Variants in CREB5 observed in about 807,000 individuals in gnomAD.
CREB5 encodes the protein cAMP responsive element binding protein 5.
Under a neutral mutation model 57.1 loss-of-function variants are expected in CREB5, and 19 were observed. The observed-to-expected ratio is 0.33, with a 90% CI of 0.23 to 0.49. The LOEUF (loss-of-function observed/expected upper bound fraction) is 0.49, where lower values mean the gene tolerates loss of function less well. Among genes scored for constraint, CREB5 ranks in the 20% least tolerant of loss-of-function variants. The pLI is 0.99. For missense variants in CREB5, 579 were observed against 671.6 expected (o/e 0.86, Z 1.52); for synonymous variants, 238 against 238.3 (o/e 1.00, Z 0.01).
chr7:28,778,398 C>A (rs1806780841), intron 7 of CREB5, among the ~76,000 whole-genome samples: 1 of 152,176 alleles, frequency 6.6e-6, no homozygotes, highest in African/African-American at 2.4e-5. Context: ...GGAAGTTACT[C>A]CTACACACCT....
At position 28,632,858 on chromosome 7, in the gene CREB5, T is replaced by C. The variant is rs187258420; in HGVS notation, c.464+62321T>C. ...TGTGTTTTTAATTTTTTGTTTATCA[T>C]CTACCTCCTCCACTAAAATAGAAAC... On this transcript the variant is annotated intron_variant, in intron 5 of 10. Coordinates refer to ENST00000357727, the MANE Select transcript of CREB5 (RefSeq NM_182898.4). Among the ~76,000 whole-genome samples, 404 of 152,304 alleles carry C rather than the reference T, an allele frequency of 2.7e-3. 3 individuals carry two copies. The highest frequency in any genetic ancestry group is 9.0e-3 in the African/African-American group (374 of 41,560).
At chr7:28,643,763 G>A (rs1798780530) in intron 5 of CREB5, among the ~76,000 whole-genome samples, 1 of 66,144 alleles carries the variant, frequency 1.5e-5, no homozygotes, top group Non-Finnish European at 2.8e-5. Flanking sequence ...GGGGGGGGCG[G>A]AAGAAAAAAA....
intron 5 of CREB5, among the ~76,000 whole-genome samples, chr7:28,590,700 A>ATAATAATAT (rs1796476212): frequency 6.7e-6 from 1 of 150,180 alleles, no homozygotes. Context: ...AATAATAATA[A>ATAATAATAT]TAATAATAAA....
At chr7:28,720,067 A>G (rs1324907557) in intron 6 of CREB5, among the ~76,000 whole-genome samples, 1 of 152,196 alleles carries the variant, frequency 6.6e-6, no homozygotes, top group Non-Finnish European at 1.5e-5. Context: ...CTCAAAAAAC[A>G]AACACAAAAA....
At chr7:28,756,173 G>T (rs1369891347) in intron 7 of CREB5, among the ~76,000 whole-genome samples, 1 of 152,068 alleles carries the variant, frequency 6.6e-6, no homozygotes, top group East Asian at 1.9e-4. Context: ...GTGATGCTGT[G>T]GCCTATAAGA....
upstream of CREB5, among the ~76,000 whole-genome samples, chr7:28,408,099 G>A (rs1487790988): frequency 1.3e-5 from 2 of 152,152 alleles, no homozygotes; most frequent in African/African-American, 4.8e-5. Context: ...GCCCAGTTGG[G>A]ATCTGGGCTT....
At chr7:28,715,637 G>A (rs1321525902) in intron 5 of CREB5, among the ~76,000 whole-genome samples, 1 of 152,104 alleles carries the variant, frequency 6.6e-6, no homozygotes, top group Non-Finnish European at 1.5e-5. Flanking sequence ...GTGATGAGTA[G>A]GCACAGGTCA....
chr7:28,703,753 C>A (rs544794099), intron 5 of CREB5, among the ~76,000 whole-genome samples: 1 of 152,164 alleles, frequency 6.6e-6, no homozygotes, highest in African/African-American at 2.4e-5. Flanking sequence ...TGAAGCCCAC[C>A]CACATTGGGG....
chr7:28,453,809 G>A (rs1218361759), intron 1 of CREB5, among the ~76,000 whole-genome samples: 1 of 152,228 alleles, frequency 6.6e-6, no homozygotes, highest in Non-Finnish European at 1.5e-5. Flanking sequence ...GCCCCCAAGG[G>A]CATTGCGATG....
chr7:28,570,603 C>T, intron 5 of CREB5, 66 bp downstream of exon 5: 2 of 1,551,708 alleles, frequency 1.3e-6, no homozygotes, highest in Non-Finnish European at 1.8e-6. Context: ...TGGACTTCCT[C>T]CTGGTTTCTG....
chr7:28,657,717 GAA>G (rs59307921), intron 5 of CREB5, among the ~76,000 whole-genome samples: 772 of 54,002 alleles, frequency 0.014, 10 homozygotes, highest in African/African-American at 0.048. Context: ...ACTCTCTCTC[GAA>G]AAAAAAAAAA....
intron 1 of CREB5, among the ~76,000 whole-genome samples, chr7:28,479,294 C>T (rs1791224205): frequency 6.6e-6 from 1 of 152,260 alleles, no homozygotes; most frequent in South Asian, 2.1e-4. Context: ...GCAGAATATC[C>T]CATATCCCAG....
chr7:28,768,906 C>G lies in CREB5; in HGVS notation c.703-35293C>G, dbSNP rs180988705. On this transcript the variant is annotated intron_variant, in intron 7 of 10. Coordinates refer to ENST00000357727, the MANE Select transcript of CREB5 (RefSeq NM_182898.4). ...TGCATTTAGGATAGCTTTCCTTCAG[C>G]CTCAGCCTCTCCTCAGGCAGCCCCT... 5.3e-5 allele frequency among the ~76,000 whole-genome samples: 8 copies of G among 152,346 alleles called. No homozygotes were observed. The East Asian group carries it at 9.6e-4, about 18-fold the overall frequency.
At chr7:28,736,387 T>C (rs975303602) in intron 7 of CREB5, among the ~76,000 whole-genome samples, 2 of 152,136 alleles carry the variant, frequency 1.3e-5, no homozygotes, top group African/African-American at 2.4e-5. Context: ...CAGGCTGGTC[T>C]CGAACTCCCG....
At chr7:28,308,593 T>A (rs1785226087) in intron 1 of CREB5, among the ~76,000 whole-genome samples, 1 of 152,178 alleles carries the variant, frequency 6.6e-6, no homozygotes, top group Non-Finnish European at 1.5e-5. Flanking sequence ...TGTGTGCTGG[T>A]GGTGAATGGC....
intron 5 of CREB5, among the ~76,000 whole-genome samples, chr7:28,577,754 G>C (rs979047564): frequency 6.6e-6 from 1 of 152,136 alleles, no homozygotes; most frequent in Admixed American, 6.5e-5. Flanking sequence ...AATTCTTGAA[G>C]TTCTTTTCAG....
At chr7:28,602,204 G>A (rs57375560) in intron 5 of CREB5, among the ~76,000 whole-genome samples, 7,115 of 152,154 alleles carry the variant, frequency 0.047, 615 homozygotes, top group African/African-American at 0.16. Context: ...TCGGCTCACT[G>A]CAACCTCTGC....
chr7:28,507,481 A>T, intron 3 of CREB5, 135 bp from the exon 4 acceptor site: 1 of 1,033,560 alleles, frequency 9.7e-7, no homozygotes, highest in Non-Finnish European at 1.4e-6. Context: ...TATGTTATTT[A>T]AAGGGCCAAG....
chr7:28,628,538 A>C (rs373533890), intron 5 of CREB5, among the ~76,000 whole-genome samples: 14 of 152,094 alleles, frequency 9.2e-5, no homozygotes, highest in South Asian at 2.1e-4. Flanking sequence ...TCAGTGGGTA[A>C]GAGAAGGAAG....
Sources: gnomAD v4.1 joint callset for allele counts (sites outside exome capture counted in the v4.1 genomes callset) on GRCh38, gnomAD v4.1.1 for gene constraint, MANE v1.5 for transcripts, NCBI Gene and HGNC (gene_info 2026-07-23, HGNC 2026-07-21) for gene names.